PDSS2: variants seen among roughly 807,000 people sequenced by gnomAD.
PDSS2 encodes decaprenyl diphosphate synthase subunit 2, also known as all trans-polyprenyl-diphosphate synthase PDSS2.
Under a neutral mutation model 44.5 loss-of-function variants are expected in PDSS2, and 31 were observed. That is an observed-to-expected ratio of 0.70 (90% CI 0.52 to 0.94). The LOEUF is 0.94. Among genes scored for constraint, PDSS2 ranks in the 40% least tolerant of loss-of-function variants. The probability of loss-of-function intolerance (pLI) is 0.00; values close to 1 mark genes in which losing one functional copy is unlikely to be tolerated. For synonymous variants in PDSS2, 157 were observed against 180.3 expected (o/e 0.87, Z 1.03); for missense variants, 452 against 482.2 (o/e 0.94, Z 0.59).
chr6:107,442,784 C>T (rs1471028305), intron 1 of PDSS2, among the ~76,000 whole-genome samples: 2 of 152,184 alleles, frequency 1.3e-5, no homozygotes, highest in African/African-American at 4.8e-5. Flanking sequence ...CTGCAATTAC[C>T]AACCTCACTT....
At chr6:107,389,277 T>C (rs530977460) in intron 1 of PDSS2, among the ~76,000 whole-genome samples, 105 of 152,256 alleles carry the variant, frequency 6.9e-4, no homozygotes, top group Non-Finnish European at 1.2e-3. Flanking sequence ...GAATGTAGAC[T>C]GTGAAAAAGA....
chr6:107,383,298 CAAAAAAAAAAAAA>C (rs35910650), intron 1 of PDSS2, among the ~76,000 whole-genome samples: 17 of 28,438 alleles, frequency 6.0e-4, no homozygotes, highest in South Asian at 2.2e-3. Flanking sequence ...GACTCCATCT[CAAAAAAAAAAAAA>C]AAAAAAAAAA....
chr6:107,435,585 G>A (rs1006818229), intron 1 of PDSS2, among the ~76,000 whole-genome samples: 12 of 152,254 alleles, frequency 7.9e-5, no homozygotes, highest in African/African-American at 2.9e-4. Flanking sequence ...AGAGAGAGAT[G>A]TTAAAGAAGG....
At chr6:107,274,444 T>A (rs1416782541) in intron 2 of PDSS2, among the ~76,000 whole-genome samples, 1 of 152,116 alleles carries the variant, frequency 6.6e-6, no homozygotes, top group Non-Finnish European at 1.5e-5. Flanking sequence ...TACTCCTCAC[T>A]CTTCCCCACA....
At chr6:107,452,386 C>A (rs147738643) in intron 1 of PDSS2, among the ~76,000 whole-genome samples, 5 of 152,018 alleles carry the variant, frequency 3.3e-5, no homozygotes, top group Admixed American at 1.3e-4. Flanking sequence ...GCACCCACCA[C>A]CACACCGGCT....
chr6:107,336,316 T>A (rs537430385), intron 1 of PDSS2, among the ~76,000 whole-genome samples: 1 of 151,766 alleles, frequency 6.6e-6, no homozygotes, highest in Non-Finnish European at 1.5e-5. Context: ...CAGAAATTTT[T>A]AAAAGGGGCC....
At chr6:107,251,410 C>T (rs1010292734) in intron 3 of PDSS2, among the ~76,000 whole-genome samples, 6 of 152,168 alleles carry the variant, frequency 3.9e-5, no homozygotes, top group African/African-American at 1.2e-4. Context: ...AAAACATGTC[C>T]ATCACTCTAT....
chr6:107,168,274 GT>G (rs1554247882), intron 7 of PDSS2, among the ~76,000 whole-genome samples: 1 of 152,146 alleles, frequency 6.6e-6, no homozygotes, highest in Admixed American at 6.6e-5. Context: ...TTTAAAGTCT[GT>G]TTTATCAGAG....
chr6:107,175,519 C>T (rs1771757083), intron 7 of PDSS2, among the ~76,000 whole-genome samples: 2 of 152,032 alleles, frequency 1.3e-5, no homozygotes, highest in South Asian at 2.1e-4. Context: ...CCTTTGCATG[C>T]CTATGTACAA....
intron 7 of PDSS2, among the ~76,000 whole-genome samples, chr6:107,174,072 T>A (rs1771703179): frequency 6.6e-6 from 1 of 152,180 alleles, no homozygotes; most frequent in Admixed American, 6.5e-5. Context: ...GGTCAACTAA[T>A]GTTTAGAAAA....
At chr6:107,180,624 T>A (rs1016133699) in intron 7 of PDSS2, among the ~76,000 whole-genome samples, 1 of 152,134 alleles carries the variant, frequency 6.6e-6, no homozygotes, top group Non-Finnish European at 1.5e-5. Flanking sequence ...GTGAGCAAAC[T>A]CAAGACACCA....
intron 7 of PDSS2, among the ~76,000 whole-genome samples, chr6:107,173,585 A>AAC (rs1771679842): frequency 1.3e-5 from 2 of 150,274 alleles, no homozygotes; most frequent in African/African-American, 4.9e-5. Context: ...AAAAAAAAAA[A>AAC]AAAAAAAAAA....
chr6:107,262,349 TA>T (rs2114888549), intron 3 of PDSS2, among the ~76,000 whole-genome samples: 1 of 152,300 alleles, frequency 6.6e-6, no homozygotes, highest in East Asian at 1.9e-4. Context: ...TTTCTCCTTT[TA>T]CTTATTATTT....
chr6:107,270,976 CT>C (rs1303736131), intron 3 of PDSS2, among the ~76,000 whole-genome samples: 3 of 152,204 alleles, frequency 2.0e-5, no homozygotes, highest in Non-Finnish European at 4.4e-5. Flanking sequence ...AGAACTATTG[CT>C]TCCCTTTTCC....
chr6:107,279,657 A>G (rs1775895879), intron 2 of PDSS2, among the ~76,000 whole-genome samples: 1 of 152,222 alleles, frequency 6.6e-6, no homozygotes, highest in African/African-American at 2.4e-5. Flanking sequence ...TTTTAAAAAA[A>G]GAGTTATCTA....
At chr6:107,294,971 C>G (rs12196891) in intron 2 of PDSS2, among the ~76,000 whole-genome samples, 5 of 152,012 alleles carry the variant, frequency 3.3e-5, no homozygotes, top group African/African-American at 1.2e-4. Flanking sequence ...GCTTGGTCAC[C>G]CAGGCTGGAG....
intron 2 of PDSS2, among the ~76,000 whole-genome samples, chr6:107,316,448 C>CA: frequency 6.8e-6 from 1 of 146,618 alleles, no homozygotes; most frequent in South Asian, 2.2e-4. Context: ...CAAAAGGTTG[C>CA]TTTTTTTTTT....
At chr6:107,273,892 T>A (rs1775684521) in intron 3 of PDSS2, 137 bp downstream of exon 3, 2 of 723,462 alleles carry the variant, frequency 2.8e-6, no homozygotes, top group Non-Finnish European at 5.0e-6. Context: ...ATCATTATGT[T>A]CATCACAGTT....
chr6:107,166,566 G>A (rs1171300724), intron 7 of PDSS2, among the ~76,000 whole-genome samples: 17 of 151,862 alleles, frequency 1.1e-4, no homozygotes, highest in Admixed American at 2.6e-4. Context: ...GGGTTTCACC[G>A]TGTTATCCAG....
Sources: allele counts gnomAD v4.1 joint callset (sites outside exome capture counted in the v4.1 genomes callset), GRCh38; gene constraint gnomAD v4.1.1; transcripts MANE v1.5; gene names NCBI Gene and HGNC (gene_info 2026-07-23, HGNC 2026-07-21).